Variants in TIAM2 observed in about 807,000 individuals in gnomAD.
TIAM2 encodes rho guanine nucleotide exchange factor TIAM2.
Under a neutral mutation model 152.9 loss-of-function variants are expected in TIAM2, and 80 were observed. That is an observed-to-expected ratio of 0.52 (90% CI 0.44 to 0.63). The LOEUF is 0.63. Among genes scored for constraint, TIAM2 ranks in the 30% least tolerant of loss-of-function variants. The pLI is 0.00. For missense variants in TIAM2, 1,965 were observed against 2,120.1 expected (o/e 0.93, Z 1.44); for synonymous variants, 804 against 838.0 (o/e 0.96, Z 0.70).
chr6:155,237,442 G>C (rs1330452889), intron 15 of TIAM2, among the ~76,000 whole-genome samples: 1 of 152,208 alleles, frequency 6.6e-6, no homozygotes, highest in Non-Finnish European at 1.5e-5. Context: ...GAGGATGGTG[G>C]CCCTCTTCTC....
In TIAM2 at chr6:155,005,627, A is replaced by ACCT. The variant is rs1331782651; in HGVS notation, c.-209+10137_-209+10139dup. On this transcript the variant is annotated intron_variant, in intron 1 of 26. Coordinates refer to ENST00000682666, the MANE Select transcript of TIAM2 (RefSeq NM_012454.4). ...AGTGCTGGGATTACAGGGGTGAGCC[A>ACCT]CCTCACCTGGCACTGTGAGAATTCT... 6.8e-5 allele frequency among the ~76,000 whole-genome samples: 10 copies of ACCT among 147,544 alleles called. No individual in the cohort carries two copies. In the South Asian group the frequency reaches 1.3e-3, roughly 19 times the overall value.
intron 1 of TIAM2, among the ~76,000 whole-genome samples, chr6:155,071,017 A>G (rs1209414691): frequency 6.6e-6 from 1 of 152,068 alleles, no homozygotes; most frequent in Non-Finnish European, 1.5e-5. Flanking sequence ...ACTACTAATG[A>G]AAAAAATTCG....
chr6:155,143,953 A>G (rs1183453621), intron 5 of TIAM2, among the ~76,000 whole-genome samples: 1 of 152,190 alleles, frequency 6.6e-6, no homozygotes, highest in Non-Finnish European at 1.5e-5. Context: ...GCTACAGATA[A>G]AAGGTTAAAT....
intron 9 of TIAM2, among the ~76,000 whole-genome samples, chr6:155,168,639 A>G (rs1304406989): frequency 6.6e-6 from 1 of 152,164 alleles, no homozygotes; most frequent in Non-Finnish European, 1.5e-5. Flanking sequence ...TTACAGGCCG[A>G]CTTAAATAAT....
intron 14 of TIAM2, among the ~76,000 whole-genome samples, chr6:155,209,255 C>T (rs959258235): frequency 2.6e-5 from 4 of 152,000 alleles, no homozygotes; most frequent in African/African-American, 9.7e-5. Context: ...TTTGCATCCC[C>T]AGCTCCTAGC....
chr6:155,051,505 TTAA>T (rs1178246083), intron 1 of TIAM2, among the ~76,000 whole-genome samples: 6 of 152,224 alleles, frequency 3.9e-5, no homozygotes, highest in Non-Finnish European at 7.3e-5. Context: ...AAATGCACTG[TTAA>T]TAATGAGTAG....
intron 1 of TIAM2, among the ~76,000 whole-genome samples, chr6:155,064,686 C>A (rs1034773014): frequency 6.6e-6 from 1 of 152,152 alleles, no homozygotes; most frequent in African/African-American, 2.4e-5. Context: ...AATTATGCTC[C>A]ATGGCTTGTT....
chr6:155,256,110 T>C, intron 26 of TIAM2: 1 of 355,296 alleles, frequency 2.8e-6, no homozygotes, highest in Non-Finnish European at 5.1e-6. Context: ...GTGATCTTCA[T>C]GATCAAATTA....
At chr6:155,059,319 TGTGTGTGCGC>T (rs1562303796) in intron 1 of TIAM2, among the ~76,000 whole-genome samples, 6 of 134,364 alleles carry the variant, frequency 4.5e-5, no homozygotes, top group East Asian at 2.1e-4. Context: ...TGTGTGTGTG[TGTGTGTGCGC>T]GTGTATGTTT....
chr6:155,128,285 A>G (rs1779343232), intron 3 of TIAM2, among the ~76,000 whole-genome samples: 1 of 152,126 alleles, frequency 6.6e-6, no homozygotes, highest in East Asian at 1.9e-4. Flanking sequence ...TTCCCAAATG[A>G]GAGCTCTTAT....
intron 1 of TIAM2, among the ~76,000 whole-genome samples, chr6:155,049,894 G>T (rs1009781992): frequency 2.6e-5 from 4 of 152,122 alleles, no homozygotes; most frequent in Non-Finnish European, 5.9e-5. Context: ...GAAAGTTTGA[G>T]TTGGATAAAA....
chr6:155,002,729 G>A (rs1274820027), intron 1 of TIAM2, among the ~76,000 whole-genome samples: 7 of 144,846 alleles, frequency 4.8e-5, no homozygotes. Flanking sequence ...TGCTCAGGCT[G>A]GAGTGCAGTG....
intron 20 of TIAM2, among the ~76,000 whole-genome samples, chr6:155,248,413 T>C (rs1783461383): frequency 6.6e-6 from 1 of 152,230 alleles, no homozygotes; most frequent in Admixed American, 6.5e-5. Flanking sequence ...CTCATCCGGG[T>C]AGCGCCATAC....
In TIAM2 at chr6:155,198,027, G is replaced by A. The variant is rs115591686; in HGVS notation, c.3065-13177G>A. Among the ~76,000 whole-genome samples, 943 of 152,270 alleles carry A rather than the reference G, an allele frequency of 6.2e-3. 14 individuals carry two copies. Among genetic ancestry groups the A allele is most frequent in the African/African-American group, 0.021 (892 of 41,542 alleles). On this transcript the variant is annotated intron_variant, in intron 14 of 26. Coordinates refer to ENST00000682666, the MANE Select transcript of TIAM2 (RefSeq NM_012454.4). Reference sequence around the variant, plus strand: ...GTTTTATCATTTTTTGGGATCTCTGGGAGTAGAAGTTCACAGAACCTGAAT... The same window carrying A: ...GTTTTATCATTTTTTGGGATCTCTGAGAGTAGAAGTTCACAGAACCTGAAT...
chr6:155,020,765 A>G (rs1662304023), intron 1 of TIAM2, among the ~76,000 whole-genome samples: 1 of 151,924 alleles, frequency 6.6e-6, no homozygotes, highest in African/African-American at 2.4e-5. Flanking sequence ...GCCCGGCCAT[A>G]TTAGCCATTT....
intron 1 of TIAM2, among the ~76,000 whole-genome samples, chr6:155,028,709 A>G (rs1241670090): frequency 1.1e-5 from 1 of 90,702 alleles, no homozygotes; most frequent in Non-Finnish European, 2.2e-5. Flanking sequence ...ACTGTGTTAT[A>G]TATATACTAC....
chr6:155,234,578 T>A (rs2115284355), intron 15 of TIAM2, among the ~76,000 whole-genome samples: 1 of 152,388 alleles, frequency 6.6e-6, no homozygotes. Flanking sequence ...AATTTTTTTT[T>A]ATCTTTTGTA....
intron 22 of TIAM2, among the ~76,000 whole-genome samples, 159 bp from the exon 23 acceptor site, chr6:155,251,786 G>C (rs966517075): frequency 1.3e-5 from 2 of 152,204 alleles, no homozygotes; most frequent in South Asian, 4.1e-4. Context: ...TCAAATATGA[G>C]CGAAAGGGAA....
chr6:155,082,711 T>A (rs899982544), intron 1 of TIAM2, among the ~76,000 whole-genome samples: 1 of 81,872 alleles, frequency 1.2e-5, no homozygotes, highest in Non-Finnish European at 2.8e-5. Context: ...TAAATAAATA[T>A]CGTAGAAGTG....
Sources: allele counts gnomAD v4.1 joint callset (sites outside exome capture counted in the v4.1 genomes callset), GRCh38; gene constraint gnomAD v4.1.1; transcripts MANE v1.5; gene names NCBI Gene and HGNC (gene_info 2026-07-23, HGNC 2026-07-21).